Variants in DYNC1I1 observed in about 807,000 individuals in gnomAD.
The protein encoded by DYNC1I1 is dynein cytoplasmic 1 intermediate chain 1.
Under a neutral mutation model 86.6 loss-of-function variants are expected in DYNC1I1, and 43 were observed. The ratio of observed to expected loss-of-function variants is 0.50; its 90% CI spans 0.39 to 0.64. The LOEUF (loss-of-function observed/expected upper bound fraction) is 0.64, where lower values mean the gene tolerates loss of function less well. Ranked by LOEUF, DYNC1I1 falls within the 30% of genes least tolerant of loss-of-function variation. The pLI, the probability that DYNC1I1 is intolerant of heterozygous loss-of-function variation, is 0.00. For missense variants in DYNC1I1, 604 were observed against 788.8 expected (o/e 0.77, Z 2.81); for synonymous variants, 262 against 283.7 (o/e 0.92, Z 0.77).
chr7:96,050,550 A>G (rs1471176241), intron 14 of DYNC1I1, among the ~76,000 whole-genome samples: 4 of 152,190 alleles, frequency 2.6e-5, no homozygotes, highest in African/African-American at 7.2e-5. Context: ...GAGTTTTTGA[A>G]GTGGGACAAA....
At chr7:95,945,056 T>TA (rs892251957) in intron 6 of DYNC1I1, among the ~76,000 whole-genome samples, 1 of 151,096 alleles carries the variant, frequency 6.6e-6, no homozygotes, top group African/African-American at 2.4e-5. Flanking sequence ...AACATAAAAA[T>TA]AAAAAAATAA....
At position 96,081,067 on chromosome 7, in the gene DYNC1I1, C is replaced by CAAAAAA. The variant is rs1278485393; in HGVS notation, c.1776+584_1776+589dup. 2.3e-3 allele frequency among the ~76,000 whole-genome samples: 139 copies of CAAAAAA among 61,604 alleles called. 1 individual carries two copies. The highest frequency in any genetic ancestry group is 3.5e-3 in the Non-Finnish European group (115 of 32,958). The allele number at this position is 61,604 out of a possible 152,430, so 40.4% of individuals were successfully genotyped here. A position where few individuals can be genotyped will look rare whatever the true frequency, so the allele number is the denominator to read the frequency against. On this transcript the variant is annotated intron_variant, in intron 16 of 16. Coordinates refer to ENST00000447467, the MANE Select transcript of DYNC1I1 (RefSeq NM_001135556.2). ...CCTGGGTGGCAGAGAGACTCCATCTCAAAAAAAAAAGAAAAAGAAAAGAAA... is the reference window on the plus strand; with the variant it reads ...CCTGGGTGGCAGAGAGACTCCATCTCAAAAAAAAAAAAAAAAGAAAAAGAAAAGAAA...
intron 6 of DYNC1I1, among the ~76,000 whole-genome samples, chr7:95,949,438 G>A (rs1792493976): frequency 6.6e-6 from 1 of 152,174 alleles, no homozygotes; most frequent in East Asian, 1.9e-4. Context: ...CCATCTTTGG[G>A]GAAAGTGAAT....
intron 6 of DYNC1I1, among the ~76,000 whole-genome samples, chr7:95,937,850 A>G (rs1037784235): frequency 4.6e-5 from 7 of 152,150 alleles, no homozygotes; most frequent in Non-Finnish European, 1.0e-4. Flanking sequence ...ACAACCAACC[A>G]TAAACACAGC....
intron 11 of DYNC1I1, among the ~76,000 whole-genome samples, chr7:96,029,359 T>C (rs1168418286): frequency 6.6e-6 from 1 of 152,124 alleles, no homozygotes; most frequent in Admixed American, 6.6e-5. Flanking sequence ...CAGGAGAAGG[T>C]GGGCTTGATG....
chr7:96,041,018 G>C (rs140813150), intron 14 of DYNC1I1, among the ~76,000 whole-genome samples: 1 of 152,168 alleles, frequency 6.6e-6, no homozygotes, highest in African/African-American at 2.4e-5. Flanking sequence ...CACCACACCT[G>C]GCCCAGCAGT....
intron 6 of DYNC1I1, among the ~76,000 whole-genome samples, chr7:95,914,884 G>A (rs1214844333): frequency 6.6e-6 from 1 of 152,074 alleles, no homozygotes; most frequent in African/African-American, 2.4e-5. Flanking sequence ...TGTCCTAAAA[G>A]GGAAACTGAG....
At position 95,872,816 on chromosome 7, in the gene DYNC1I1, A is replaced by C. The variant is rs1436008956; in HGVS notation, c.490+2818A>C. 2.0e-5 allele frequency among the ~76,000 whole-genome samples: 3 copies of C among 152,170 alleles called. No individual in the cohort carries two copies. The East Asian group carries it at 5.8e-4, about 29-fold the overall frequency. On this transcript the variant is annotated intron_variant, in intron 6 of 16. Transcript: ENST00000447467. ...TATTCCCAAGTAGCAAGAAAGGAAA[A>C]CGAAATTATGGTCCCCTCCAAGGCT... is the stretch of plus-strand genomic sequence containing the variant.
chr7:95,780,885 C>G (rs1028809042), intron 1 of DYNC1I1, among the ~76,000 whole-genome samples: 1 of 152,040 alleles, frequency 6.6e-6, no homozygotes, highest in Non-Finnish European at 1.5e-5. Flanking sequence ...TGTGTTTTGA[C>G]ACAATGTTCC....
chr7:96,059,184 G>T (rs897537773), intron 14 of DYNC1I1, among the ~76,000 whole-genome samples: 3 of 152,086 alleles, frequency 2.0e-5, no homozygotes, highest in Non-Finnish European at 4.4e-5. Flanking sequence ...TTAGCCAATA[G>T]CTCATGCCTG....
chr7:95,996,124 T>C, intron 10 of DYNC1I1, 51 bp downstream of exon 10: 2 of 1,611,276 alleles, frequency 1.2e-6, no homozygotes, highest in Non-Finnish European at 1.7e-6. Context: ...AGACCAAATA[T>C]AGTTTGTGCT....
chr7:95,777,002 G>A (rs921961123), intron 1 of DYNC1I1, among the ~76,000 whole-genome samples: 3 of 152,344 alleles, frequency 2.0e-5, no homozygotes, highest in Non-Finnish European at 4.4e-5. Flanking sequence ...TGAAATGCAG[G>A]TGGGCCTGAT....
intron 14 of DYNC1I1, among the ~76,000 whole-genome samples, chr7:96,056,709 G>A (rs986283082): frequency 6.6e-6 from 1 of 151,802 alleles, no homozygotes; most frequent in Non-Finnish European, 1.5e-5. Context: ...TCTATATATA[G>A]TATATGCATA....
chr7:95,941,133 G>A (rs918337443), intron 6 of DYNC1I1, among the ~76,000 whole-genome samples: 92 of 152,142 alleles, frequency 6.0e-4, no homozygotes, highest in African/African-American at 2.0e-3. Flanking sequence ...AACCGCCTAT[G>A]CTGCTGTCTG....
At chr7:96,004,760 AG>A (rs1794101369) in intron 10 of DYNC1I1, among the ~76,000 whole-genome samples, 1 of 152,202 alleles carries the variant, frequency 6.6e-6, no homozygotes, top group Non-Finnish European at 1.5e-5. Flanking sequence ...CAAAACCTCA[AG>A]CAGTGACAAA....
chr7:96,025,182 A>G (rs1303315176), intron 10 of DYNC1I1, among the ~76,000 whole-genome samples: 1 of 152,204 alleles, frequency 6.6e-6, no homozygotes, highest in Non-Finnish European at 1.5e-5. Flanking sequence ...TGAATTCTCA[A>G]GTTTACATCT....
intron 5 of DYNC1I1, among the ~76,000 whole-genome samples, chr7:95,869,475 C>T (rs957846813): frequency 4.6e-4 from 70 of 150,978 alleles, no homozygotes; most frequent in African/African-American, 1.6e-3. Flanking sequence ...GAACCCACCT[C>T]TCTTTTTTTT....
chr7:95,819,970 T>G (rs561539666), intron 4 of DYNC1I1, among the ~76,000 whole-genome samples: 5 of 152,176 alleles, frequency 3.3e-5, no homozygotes, highest in African/African-American at 1.2e-4. Flanking sequence ...GCAGGACTTT[T>G]GTGTAAGATT....
At chr7:96,054,973 G>A (rs1046852852) in intron 14 of DYNC1I1, among the ~76,000 whole-genome samples, 1 of 152,138 alleles carries the variant, frequency 6.6e-6, no homozygotes, top group African/African-American at 2.4e-5. Context: ...AGTTGTATTA[G>A]ATCTCATTTG....
Sources: gnomAD v4.1 joint callset for allele counts (sites outside exome capture counted in the v4.1 genomes callset) on GRCh38, gnomAD v4.1.1 for gene constraint, MANE v1.5 for transcripts, NCBI Gene and HGNC (gene_info 2026-07-23, HGNC 2026-07-21) for gene names.